The following AP1G1 variants were observed in gnomAD, a reference collection of about 807,000 sequenced individuals.
The protein encoded by AP1G1 is adaptor related protein complex 1 subunit gamma 1, also known as AP-1 complex subunit gamma-1.
A neutral mutation model predicts 108.3 loss-of-function variants in AP1G1; 7 were observed. The ratio of observed to expected loss-of-function variants is 0.06; its 90% CI spans 0.04 to 0.12. The LOEUF (loss-of-function observed/expected upper bound fraction) is 0.12. Among genes scored for constraint, AP1G1 ranks in the 10% least tolerant of loss-of-function variants. AP1G1 has a pLI of 1.00. For missense variants in AP1G1, 756 were observed against 1,010.7 expected, an observed-to-expected ratio of 0.75 and a Z score of 3.42; for synonymous variants, 379 against 353.5, an observed-to-expected ratio of 1.07 and a Z score of -0.81.
At chr16:71,773,038 G>A in intron 4 of AP1G1, 183 bp downstream of exon 4, 2 of 755,958 alleles carry the variant, frequency 2.6e-6, no homozygotes, top group Non-Finnish European at 4.5e-6. Context: ...ACATTTGTTT[G>A]TTTATAAATC....
intron 19 of AP1G1, chr16:71,743,602 CAAAAAAAA>C (rs60790948): frequency 1.8e-5 from 2 of 113,962 alleles, no homozygotes; most frequent in East Asian, 2.1e-4. Context: ...GACTCTGTCT[CAAAAAAAA>C]AAAAAAAAAG....
Position 71,748,259 on chromosome 16 carries a change from A to C in AP1G1, c.1617T>G (p.Cys539Trp). The C allele has an allele frequency of 6.2e-7, 1 of 1,613,974 alleles. No individual in the cohort carries two copies. The highest frequency in any genetic ancestry group is 8.5e-7 in the Non-Finnish European group (1 of 1,179,966). ...GTTTCTTCAATACTCACTTTACAGT[A>C]CAAGTGAATCGAGTGGAAAGCTTCA... Reference protein sequence around the residue: ...AIMKLSTRFTCTVNRIKKVVS... With the variant: ...AIMKLSTRFTWTVNRIKKVVS... Residue 539 changes from cysteine to tryptophan, a missense_variant, in exon 16 of 23, where the codon TGT becomes TGG. Physicochemically the swap from Cys to Trp is radical, Grantham distance 215. Coordinates refer to ENST00000299980, the MANE Select transcript of AP1G1 (RefSeq NM_001128.6).
At chr16:71,738,897 C>G (rs1237438495) in intron 21 of AP1G1, 45 bp downstream of exon 21, 2 of 1,523,652 alleles carry the variant, frequency 1.3e-6, no homozygotes, top group East Asian at 4.6e-5. Context: ...AAAAAGCCAG[C>G]CAATCTTTAA....
chr16:71,733,775 C>T (rs1232600878), intron 22 of AP1G1, among the ~76,000 whole-genome samples: 1 of 152,180 alleles, frequency 6.6e-6, no homozygotes, highest in Admixed American at 6.5e-5. Flanking sequence ...CATTCAGATA[C>T]ACTGTTGCTT....
At chr16:71,733,416 G>T (rs141858164) in intron 22 of AP1G1, among the ~76,000 whole-genome samples, 391 of 152,186 alleles carry the variant, frequency 2.6e-3, no homozygotes, top group Non-Finnish European at 4.0e-3. Context: ...TGCATTAAAA[G>T]GACAGAACTC....
In AP1G1 at chr16:71,766,164, GA is replaced by G. The variant is rs1183090700; in HGVS notation, c.643-581del. Reference sequence around the variant, plus strand: ...TACGGTAATCAAATGGAAGACACATGAAAAAATTACATCTTTCATCTTAAGA... The same window carrying G: ...TACGGTAATCAAATGGAAGACACATGAAAAATTACATCTTTCATCTTAAGA... On this transcript the variant is annotated intron_variant, in intron 6 of 22. Transcript: ENST00000299980. Among the ~76,000 whole-genome samples, 14 of 152,198 alleles carry G rather than the reference GA, an allele frequency of 9.2e-5. No individual in the cohort carries two copies. The South Asian group carries it at 2.9e-3, about 32-fold the overall frequency.
intron 17 of AP1G1, among the ~76,000 whole-genome samples, chr16:71,746,158 C>A (rs1019810728): frequency 6.6e-6 from 1 of 152,050 alleles, no homozygotes. Context: ...TACAGGCATG[C>A]GCCACCATGC....
chr16:71,744,576 T>TTTG (rs2030066774), intron 19 of AP1G1, among the ~76,000 whole-genome samples: 1 of 146,600 alleles, frequency 6.8e-6, no homozygotes. Context: ...AGTGTGTTTT[T>TTTG]TTTTTTTTTT....
intron 1 of AP1G1, among the ~76,000 whole-genome samples, chr16:71,798,513 GAC>G (rs2032666076): frequency 6.6e-6 from 1 of 151,842 alleles, no homozygotes; most frequent in Non-Finnish European, 1.5e-5. Context: ...TGGATTCTAA[GAC>G]AGTTTCAGAA....
chr16:71,749,349 G>A (rs1235530775), intron 15 of AP1G1, among the ~76,000 whole-genome samples: 7 of 151,910 alleles, frequency 4.6e-5, no homozygotes, highest in African/African-American at 1.7e-4. Context: ...TAGCCAGGGT[G>A]GTGCCTGCCT....
chr16:71,745,067 A>G lies in AP1G1; in HGVS notation c.1999+77T>C, dbSNP rs1009852149. 5.7e-5 allele frequency: 87 copies of G among 1,525,040 alleles called. No individual in the cohort carries two copies. The South Asian group carries it at 8.1e-4, about 14-fold the overall frequency. 94.5% of individuals were successfully genotyped at this position (1,525,040 alleles called of 1,614,324 possible). ...CATCTTCAAATGATTCACGTGCTGG[A>G]AAGTCTGGGTTCAGTTTAGTTTTTC... On this transcript the variant is annotated intron_variant, in intron 19 of 22. Coordinates refer to ENST00000299980, the MANE Select transcript of AP1G1 (RefSeq NM_001128.6).
intron 19 of AP1G1, among the ~76,000 whole-genome samples, chr16:71,741,560 G>T (rs765234942): frequency 6.6e-6 from 1 of 152,178 alleles, no homozygotes; most frequent in Non-Finnish European, 1.5e-5. Context: ...TCCAGCCTGG[G>T]TGACAGAGCA....
intron 11 of AP1G1, among the ~76,000 whole-genome samples, chr16:71,756,610 T>C (rs780745641): frequency 6.6e-6 from 1 of 152,198 alleles, no homozygotes; most frequent in Non-Finnish European, 1.5e-5. Flanking sequence ...TGATGTAATA[T>C]AGTTTATGTC....
intron 2 of AP1G1, among the ~76,000 whole-genome samples, chr16:71,784,528 C>G (rs8051878): frequency 0.23 from 34,714 of 152,138 alleles, 4,646 homozygotes; most frequent in Non-Finnish European, 0.31. Context: ...CATCTCAAAT[C>G]CTTTGTACAG....
chr16:71,742,200 A>C (rs2029905245), intron 19 of AP1G1: 1 of 152,156 alleles, frequency 6.6e-6, no homozygotes, highest in South Asian at 2.1e-4. Flanking sequence ...AAAAGACTCC[A>C]CAATAAATGA....
intron 12 of AP1G1, 36 bp downstream of exon 12, chr16:71,755,983 C>T (rs747945636): frequency 1.3e-6 from 2 of 1,591,042 alleles, no homozygotes; most frequent in Non-Finnish European, 1.7e-6. Context: ...AAGTTCCAAG[C>T]AGACTTTACC....
chr16:71,766,783 G>A (rs1329830122), intron 6 of AP1G1, among the ~76,000 whole-genome samples: 1 of 152,066 alleles, frequency 6.6e-6, no homozygotes, highest in Non-Finnish European at 1.5e-5. Flanking sequence ...ATAAACACAA[G>A]AAAACACAGT....
chr16:71,788,667 T>A (rs201143550), intron 2 of AP1G1, among the ~76,000 whole-genome samples: 36,363 of 136,668 alleles, frequency 0.27, 4,634 homozygotes, highest in South Asian at 0.51. Flanking sequence ...CTTTTTTTTT[T>A]AAAAAAAAAA....
At chr16:71,771,113 C>G (rs1163752788) in intron 5 of AP1G1, 43 bp downstream of exon 5, 3 of 1,280,090 alleles carry the variant, frequency 2.3e-6, no homozygotes, top group Non-Finnish European at 3.4e-6. Context: ...TTCTCTTTCC[C>G]TTTCTCCCTC....
Sources: allele counts gnomAD v4.1 joint callset (sites outside exome capture counted in the v4.1 genomes callset), GRCh38; gene constraint gnomAD v4.1.1; transcripts MANE v1.5; gene names NCBI Gene and HGNC (gene_info 2026-07-23, HGNC 2026-07-21).